SLC7A14: variants seen among roughly 807,000 people sequenced by gnomAD.
SLC7A14 encodes solute carrier family 7 member 14.
SLC7A14 carries 37 observed loss-of-function variants against 60.2 expected under a neutral mutation model. That is an observed-to-expected ratio of 0.61 (90% CI 0.47 to 0.81). The LOEUF is 0.81. Among genes scored for constraint, SLC7A14 ranks in the 30% least tolerant of loss-of-function variants. The pLI is 0.00. For missense variants in SLC7A14, 886 were observed against 982.7 expected, an observed-to-expected ratio of 0.90 and a Z score of 1.32; for synonymous variants, 399 against 395.8, an observed-to-expected ratio of 1.01 and a Z score of -0.10.
At chr3:170,480,153 G>T in intron 7 of SLC7A14, 136 bp downstream of exon 7, 1 of 798,368 alleles carries the variant, frequency 1.3e-6, no homozygotes, top group Non-Finnish European at 1.9e-6. Context: ...ACTCTTAGGC[G>T]GAACACAAGG....
At chr3:170,564,754 C>A (rs1714748561) in intron 1 of SLC7A14, among the ~76,000 whole-genome samples, 1 of 152,162 alleles carries the variant, frequency 6.6e-6, no homozygotes, top group African/African-American at 2.4e-5. Context: ...TATGAAATGC[C>A]TGGTGCATAC....
At chr3:170,544,133 T>C (rs1012207793) in intron 1 of SLC7A14, among the ~76,000 whole-genome samples, 11 of 152,108 alleles carry the variant, frequency 7.2e-5, no homozygotes, top group Non-Finnish European at 5.9e-5. Context: ...GCTTAATTTG[T>C]ATTGCCTGTC....
chr3:170,498,943 C>T lies in SLC7A14; in HGVS notation c.542-59G>A, dbSNP rs1171509097. 5 of 1,524,992 alleles carry T rather than the reference C, an allele frequency of 3.3e-6. No individual in the cohort carries two copies. The Admixed American group carries it at 6.8e-5, about 21-fold the overall frequency. 94.5% of individuals were successfully genotyped at this position (1,524,992 alleles called of 1,614,324 possible). A position where few individuals can be genotyped will look rare whatever the true frequency, so the allele number is the denominator to read the frequency against. ...GAGGGAAGAAAGGGCCATGCAAACTCCTGGTCCTACCCCACTGCATCCGTA... is the reference window on the plus strand; with the variant it reads ...GAGGGAAGAAAGGGCCATGCAAACTTCTGGTCCTACCCCACTGCATCCGTA... On this transcript the variant is annotated intron_variant, in intron 3 of 7. Coordinates refer to ENST00000231706, the MANE Select transcript of SLC7A14 (RefSeq NM_020949.3).
At chr3:170,529,129 A>G (rs1713598808) in intron 1 of SLC7A14, among the ~76,000 whole-genome samples, 1 of 152,374 alleles carries the variant, frequency 6.6e-6, no homozygotes, top group African/African-American at 2.4e-5. Context: ...TATCTATTGC[A>G]GAAAAGTCAG....
chr3:170,502,416 A>T (rs1388593264), intron 2 of SLC7A14, among the ~76,000 whole-genome samples: 1 of 152,228 alleles, frequency 6.6e-6, no homozygotes, highest in Non-Finnish European at 1.5e-5. Flanking sequence ...AGAATATATT[A>T]GAAAGAGATT....
chr3:170,547,710 T>C (rs1178817358), intron 1 of SLC7A14, among the ~76,000 whole-genome samples: 2 of 152,158 alleles, frequency 1.3e-5, no homozygotes, highest in East Asian at 1.9e-4. Context: ...AAGAAATACA[T>C]ATCACAAAAC....
intron 1 of SLC7A14, among the ~76,000 whole-genome samples, chr3:170,549,097 G>A (rs1714261626): frequency 6.6e-6 from 1 of 152,156 alleles, no homozygotes; most frequent in African/African-American, 2.4e-5. Flanking sequence ...TGTAAGACAG[G>A]AAATGTAGGC....
chr3:170,576,391 C>G (rs1345481544), intron 1 of SLC7A14, among the ~76,000 whole-genome samples: 1 of 152,224 alleles, frequency 6.6e-6, no homozygotes, highest in Non-Finnish European at 1.5e-5. Flanking sequence ...CCCTAAATGC[C>G]AACCTTTAGG....
chr3:170,507,185 AAC>A (rs35118052), intron 2 of SLC7A14, among the ~76,000 whole-genome samples: 10,250 of 152,262 alleles, frequency 0.067, 399 homozygotes, highest in South Asian at 0.094. Flanking sequence ...CAGCTCATTT[AAC>A]AGTTTCCCAA....
At chr3:170,472,443 T>G (rs1323881527) in intron 7 of SLC7A14, among the ~76,000 whole-genome samples, 1 of 149,034 alleles carries the variant, frequency 6.7e-6, no homozygotes, top group Non-Finnish European at 1.5e-5. Context: ...CCTGTCCTGG[T>G]CAAAGGTAAT....
chr3:170,572,201 T>C (rs1369057900), intron 1 of SLC7A14, among the ~76,000 whole-genome samples: 4 of 152,202 alleles, frequency 2.6e-5, no homozygotes, highest in Non-Finnish European at 5.9e-5. Flanking sequence ...TTATTATCCA[T>C]GCACTTGTAT....
At chr3:170,477,566 C>T (rs1711664046) in intron 7 of SLC7A14, among the ~76,000 whole-genome samples, 1 of 152,204 alleles carries the variant, frequency 6.6e-6, no homozygotes, top group African/African-American at 2.4e-5. Context: ...GGTACAAGTG[C>T]TCATTATTAC....
chr3:170,551,962 A>G (rs763364475), intron 1 of SLC7A14, among the ~76,000 whole-genome samples: 1 of 152,156 alleles, frequency 6.6e-6, no homozygotes, highest in Non-Finnish European at 1.5e-5. Context: ...TGCTTTTGAT[A>G]TCATATCTAA....
At chr3:170,550,358 A>G (rs958116617) in intron 1 of SLC7A14, among the ~76,000 whole-genome samples, 3 of 152,118 alleles carry the variant, frequency 2.0e-5, no homozygotes, top group Admixed American at 6.5e-5. Context: ...GCATCTATGC[A>G]TAGAGTCACT....
intron 1 of SLC7A14, among the ~76,000 whole-genome samples, chr3:170,566,363 T>G (rs1714787392): frequency 6.6e-6 from 1 of 151,844 alleles, no homozygotes; most frequent in Non-Finnish European, 1.5e-5. Flanking sequence ...GAGGTCATCT[T>G]TCTCCTTAGT....
At chr3:170,492,301 A>G (rs1712246057) in intron 4 of SLC7A14, among the ~76,000 whole-genome samples, 2 of 152,188 alleles carry the variant, frequency 1.3e-5, no homozygotes, top group Admixed American at 1.3e-4. Context: ...TTGGTATGTT[A>G]TCCTAACTCT....
intron 2 of SLC7A14, among the ~76,000 whole-genome samples, chr3:170,512,932 G>T (rs999403358): frequency 6.6e-5 from 10 of 152,100 alleles, no homozygotes; most frequent in African/African-American, 2.2e-4. Flanking sequence ...CCTGCTGCTG[G>T]TCTATGAGGA....
intron 4 of SLC7A14, chr3:170,496,650 G>T: frequency 7.4e-7 from 1 of 1,350,598 alleles, no homozygotes; most frequent in Non-Finnish European, 1.1e-6. Flanking sequence ...AGTCTGGGAT[G>T]CAGAACACGA....
rs982014976 is a variant in SLC7A14 at position 170,491,363 on chromosome 3, A to C, written c.760-4995T>G. On this transcript the variant is annotated intron_variant, in intron 4 of 7. Transcript: ENST00000231706. ...AGGATGTCTCTTAGCCTGCATTTGC[A>C]TATGTAGAACTAGAAAGCAAGTACA... Among the ~76,000 whole-genome samples, 6 of 152,256 alleles carry C rather than the reference A, an allele frequency of 3.9e-5. No individual in the cohort carries two copies. In the East Asian group the frequency reaches 1.2e-3, roughly 29 times the overall value.
Sources: allele counts gnomAD v4.1 joint callset (sites outside exome capture counted in the v4.1 genomes callset), GRCh38; gene constraint gnomAD v4.1.1; transcripts MANE v1.5; gene names NCBI Gene and HGNC (gene_info 2026-07-23, HGNC 2026-07-21).